Variants in PRKCA observed in about 807,000 individuals in gnomAD.
PRKCA encodes protein kinase C alpha.
PRKCA carries 27 observed loss-of-function variants against 87.0 expected under a neutral mutation model. That is an observed-to-expected ratio of 0.31 (90% CI 0.23 to 0.43). PRKCA has a LOEUF of 0.43. Ranked by LOEUF, PRKCA falls within the 20% of genes least tolerant of loss-of-function variation. PRKCA has a pLI of 1.00. For missense variants in PRKCA, 518 were observed against 852.3 expected (o/e 0.61, Z 4.88); for synonymous variants, 329 against 311.1 (o/e 1.06, Z -0.61).
chr17:66,309,389 G>T (rs1039209796), intron 2 of PRKCA, among the ~76,000 whole-genome samples: 3 of 152,144 alleles, frequency 2.0e-5, no homozygotes, highest in Non-Finnish European at 4.4e-5. Context: ...GAAGGGAAGG[G>T]CGTTTCTCTG....
intron 13 of PRKCA, among the ~76,000 whole-genome samples, chr17:66,747,610 G>A (rs1449226917): frequency 2.6e-5 from 4 of 152,192 alleles, no homozygotes; most frequent in Non-Finnish European, 4.4e-5. Context: ...TGTTCTGACC[G>A]GAGCCCGTAC....
At chr17:66,754,945 C>T (rs1286188250) in intron 13 of PRKCA, among the ~76,000 whole-genome samples, 1 of 152,118 alleles carries the variant, frequency 6.6e-6, no homozygotes, top group Non-Finnish European at 1.5e-5. Context: ...CTCTACAGAA[C>T]AGTCACACTG....
intron 15 of PRKCA, among the ~76,000 whole-genome samples, chr17:66,788,053 G>T (rs1321468320): frequency 1.3e-5 from 2 of 152,238 alleles, no homozygotes; most frequent in East Asian, 3.8e-4. Flanking sequence ...ACACACTTTG[G>T]TTGAGGAAAT....
At chr17:66,690,795 T>A (rs1598876585) in intron 8 of PRKCA, among the ~76,000 whole-genome samples, 1 of 127,918 alleles carries the variant, frequency 7.8e-6, no homozygotes, top group Non-Finnish European at 1.5e-5. Flanking sequence ...GCCACTGCAC[T>A]CCAGCCTGGG....
intron 3 of PRKCA, among the ~76,000 whole-genome samples, chr17:66,540,615 G>A (rs146933544): frequency 1.0e-3 from 154 of 152,304 alleles, no homozygotes; most frequent in African/African-American, 3.5e-3. Context: ...CTCTGTGGTC[G>A]AAGGCCAGCT....
At chr17:66,549,020 G>A (rs1968243914) in intron 3 of PRKCA, among the ~76,000 whole-genome samples, 1 of 151,978 alleles carries the variant, frequency 6.6e-6, no homozygotes, top group Non-Finnish European at 1.5e-5. Context: ...TTGACAGGCT[G>A]GTTTCAAACT....
chr17:66,303,111 T>A, intron 1 of PRKCA, 87 bp downstream of exon 1: 1 of 1,517,124 alleles, frequency 6.6e-7, no homozygotes, highest in Non-Finnish European at 8.9e-7. Flanking sequence ...GCCCCGGGGC[T>A]GGCTCACTCC....
intron 10 of PRKCA, among the ~76,000 whole-genome samples, chr17:66,737,104 G>A (rs558194356): frequency 2.0e-5 from 3 of 151,954 alleles, no homozygotes; most frequent in African/African-American, 7.2e-5. Context: ...TGTAATCCCA[G>A]CACTGTGGGA....
chr17:66,803,874 G>A lies in PRKCA; in HGVS notation c.1856G>A (p.Cys619Tyr), dbSNP rs369523075. 2 of 1,613,498 alleles carry A rather than the reference G, an allele frequency of 1.2e-6. No individual in the cohort carries two copies. The highest frequency in any genetic ancestry group is 8.5e-7 in the Non-Finnish European group (1 of 1,179,742). The change falls in exon 17 of 17, where the codon TGT (cysteine) becomes TAT (tyrosine). Residue 619 changes from cysteine to tyrosine, a missense_variant and splice_region_variant. By Grantham distance (194) the Cys-to-Tyr change is radical. Transcript: ENST00000413366. This position sits in a 1 kb window ranked among gnomAD's most constrained non-coding sequence, Gnocchi z 4.4. ...CTTCTTTTTGTCTTTTCTCCACAGT[G>A]TGGCAAAGGAGCAGAGAACTTTGAC... ...EIQPPFKPKV[C>Y]GKGAENFDKF...
rs1056912526 is a variant in PRKCA at position 66,777,355 on chromosome 17, A to T, written c.1605+3288A>T. ...GACATAAAGCTTTAGCCTGCATTTG[A>T]TCATTATTTCTCAATGGTGTTAAGG... On this transcript the variant is annotated intron_variant, in intron 14 of 16. Transcript: ENST00000413366. The T allele has an allele frequency of 6.1e-6, 6 of 985,150 alleles. No individual in the cohort carries two copies. The Admixed American group carries it at 2.5e-4, about 40-fold the overall frequency. The allele number at this position is 985,150 out of a possible 1,614,324, so 61.0% of individuals were successfully genotyped here. A position where few individuals can be genotyped will look rare whatever the true frequency, so the allele number is the denominator to read the frequency against.
Position 66,780,692 on chromosome 17 carries a change from A to C in PRKCA, c.1606-6175A>C, listed in dbSNP as rs934824370. 2.0e-5 allele frequency among the ~76,000 whole-genome samples: 3 copies of C among 152,064 alleles called. No homozygotes were observed. In the South Asian group the frequency reaches 6.2e-4, roughly 32 times the overall value. On this transcript the variant is annotated intron_variant, in intron 14 of 16. Coordinates refer to ENST00000413366, the MANE Select transcript of PRKCA (RefSeq NM_002737.3). ...CTTAGTCTCAAAAAAAAGAGAAAATAATATAAGAAAGCATAAGAACCCACA... is the reference window on the plus strand; with the variant it reads ...CTTAGTCTCAAAAAAAAGAGAAAATCATATAAGAAAGCATAAGAACCCACA...
intron 3 of PRKCA, among the ~76,000 whole-genome samples, chr17:66,520,117 CA>C (rs1967107813): frequency 6.9e-6 from 1 of 144,530 alleles, no homozygotes; most frequent in South Asian, 2.2e-4. Context: ...ATGCCATCCA[CA>C]CTAATAATTT....
At chr17:66,726,652 C>T (rs1054171657) in intron 8 of PRKCA, among the ~76,000 whole-genome samples, 15 of 151,852 alleles carry the variant, frequency 9.9e-5, no homozygotes, top group African/African-American at 3.4e-4. Flanking sequence ...GAGCGAGTGT[C>T]CTCCTCAGCC....
At chr17:66,427,673 T>A (rs1912886600) in intron 2 of PRKCA, among the ~76,000 whole-genome samples, 1 of 152,202 alleles carries the variant, frequency 6.6e-6, no homozygotes, top group Admixed American at 6.5e-5. Context: ...CACTTTCATA[T>A]CACAGAAAGC....
chr17:66,498,412 A>G (rs1367192017), intron 3 of PRKCA, among the ~76,000 whole-genome samples: 1 of 152,056 alleles, frequency 6.6e-6, no homozygotes, highest in Admixed American at 6.6e-5. Context: ...CCCATCAAGA[A>G]TGGGAAGGGA....
chr17:66,799,582 G>A (rs1304167337), intron 16 of PRKCA, among the ~76,000 whole-genome samples: 1 of 25,714 alleles, frequency 3.9e-5, no homozygotes, highest in African/African-American at 2.2e-4. Flanking sequence ...TGGTGGTGGT[G>A]ATGGTGGTGG....
intron 2 of PRKCA, among the ~76,000 whole-genome samples, chr17:66,370,957 G>A (rs981433880): frequency 1.3e-5 from 2 of 152,168 alleles, no homozygotes; most frequent in African/African-American, 4.8e-5. Flanking sequence ...GGGGCAGGCT[G>A]GTTTGTAAGA....
intron 2 of PRKCA, among the ~76,000 whole-genome samples, chr17:66,437,731 T>TTTTTTTTTTTG (rs55779501): frequency 6.3e-3 from 70 of 11,160 alleles, no homozygotes; most frequent in Admixed American, 8.5e-3. Flanking sequence ...TTTTTTTTTT[T>TTTTTTTTTTTG]GAGCGGGGGG....
chr17:66,688,507 C>G (rs931295803), intron 7 of PRKCA, 71 bp downstream of exon 7: 2 of 1,584,674 alleles, frequency 1.3e-6, no homozygotes, highest in Non-Finnish European at 1.7e-6. Context: ...TTCAGTCTCT[C>G]AAATGTCAGT....
Sources: allele counts gnomAD v4.1 joint callset (sites outside exome capture counted in the v4.1 genomes callset), GRCh38; gene constraint gnomAD v4.1.1; non-coding constraint Gnocchi (gnomAD v3.1); transcripts MANE v1.5; gene names NCBI Gene and HGNC (gene_info 2026-07-23, HGNC 2026-07-21).